Variants in GPR55 observed in about 807,000 individuals in gnomAD.
The protein encoded by GPR55 is G protein-coupled receptor 55.
A neutral mutation model predicts 7.9 loss-of-function variants in GPR55; 6 were observed. The ratio of observed to expected loss-of-function variants is 0.76; its 90% CI spans 0.41 to 1.49. The LOEUF (loss-of-function observed/expected upper bound fraction) is 1.49, where lower values mean the gene tolerates loss of function less well. Ranked by LOEUF, GPR55 falls within the 40% of genes most tolerant of loss-of-function variation. GPR55 has a pLI of 0.01. For synonymous variants in GPR55, 183 were observed against 166.8 expected, an observed-to-expected ratio of 1.10 and a Z score of -0.75; for missense variants, 376 against 406.0, an observed-to-expected ratio of 0.93 and a Z score of 0.63.
In GPR55 at chr2:230,944,025, G is replaced by A. The variant is rs773564692; in HGVS notation, c.-135+16750C>T. ...GGGTCTGTCTTAGGAAGGGGCCCTC[G>A]GGCTGTCCCTCTTCTCCCTGGCCCT... is the stretch of plus-strand genomic sequence containing the variant. On this transcript the variant is annotated intron_variant, in intron 1 of 1. Coordinates refer to the GPR55 transcript ENST00000392039. The surrounding 1 kb of genome is among the most constrained non-coding windows in gnomAD (Gnocchi z 4.2). 5.3e-5 allele frequency among the ~76,000 whole-genome samples: 8 copies of A among 152,122 alleles called. No individual in the cohort carries two copies. The highest frequency in any genetic ancestry group is 1.2e-4 in the Non-Finnish European group (8 of 68,030).
chr2:230,949,035 C>G (rs1385432440), intron 1 of GPR55, among the ~76,000 whole-genome samples: 1 of 152,176 alleles, frequency 6.6e-6, no homozygotes, highest in African/African-American at 2.4e-5. Context: ...TGCCACCGCA[C>G]TCCAGCCTTG....
chr2:230,941,202 C>T (rs1411251437), intron 1 of GPR55, among the ~76,000 whole-genome samples: 2 of 152,166 alleles, frequency 1.3e-5, no homozygotes, highest in Non-Finnish European at 2.9e-5. Flanking sequence ...ATGCTCTGTC[C>T]AGCACCCCAC....
chr2:230,945,316 C>T (rs1691296481), intron 1 of GPR55, among the ~76,000 whole-genome samples: 2 of 151,916 alleles, frequency 1.3e-5, no homozygotes, highest in Non-Finnish European at 2.9e-5. Context: ...GGAGGCCTTT[C>T]CAAGGGCAAG....
intron 1 of GPR55, among the ~76,000 whole-genome samples, chr2:230,951,938 T>C (rs58699773): frequency 7.0e-6 from 1 of 143,120 alleles, no homozygotes; most frequent in South Asian, 2.2e-4. Flanking sequence ...TTTTTTTTTT[T>C]AATTTTTTTG....
At chr2:230,951,006 G>A (rs143266835) in intron 1 of GPR55, among the ~76,000 whole-genome samples, 29 of 152,282 alleles carry the variant, frequency 1.9e-4, no homozygotes, top group Middle Eastern at 3.4e-3. Context: ...CTTGCCCTGT[G>A]CATCTCTTCA....
chr2:230,958,375 A>G (rs1188387940), intron 1 of GPR55, among the ~76,000 whole-genome samples: 1 of 152,164 alleles, frequency 6.6e-6, no homozygotes. Flanking sequence ...TCAAGCATTT[A>G]TCCTCTGTGT....
chr2:230,909,165 C>T lies in GPR55; in HGVS notation c.*838G>A, dbSNP rs1259667726. Reference sequence around the variant, plus strand: ...GCTCCCAGGCCGTCTCTCACTGTCTCTCTTCACCCTGGGCCAGCACCAACA... The same window carrying T: ...GCTCCCAGGCCGTCTCTCACTGTCTTTCTTCACCCTGGGCCAGCACCAACA... On this transcript the variant is annotated 3_prime_UTR_variant, in exon 2 of 2. Coordinates refer to ENST00000650999, the MANE Select transcript of GPR55 (RefSeq NM_005683.4). 1 of 152,496 alleles carries T rather than the reference C, an allele frequency of 6.6e-6. No homozygotes were observed. The highest frequency in any genetic ancestry group is 1.5e-5 in the Non-Finnish European group (1 of 68,240). The allele number at this position is 152,496 out of a possible 1,614,324, so 9.4% of individuals were successfully genotyped here. A position where few individuals can be genotyped will look rare whatever the true frequency, so the allele number is the denominator to read the frequency against.
At chr2:230,939,305 A>G (rs757087106) in intron 1 of GPR55, among the ~76,000 whole-genome samples, 1 of 152,134 alleles carries the variant, frequency 6.6e-6, no homozygotes, top group South Asian at 2.1e-4. Flanking sequence ...CCTGTCTGAG[A>G]TGCTGGTGCC....
At chr2:230,935,649 T>G (rs1691121363) in intron 1 of GPR55, among the ~76,000 whole-genome samples, 1 of 152,182 alleles carries the variant, frequency 6.6e-6, no homozygotes, top group Non-Finnish European at 1.5e-5. Flanking sequence ...AATGCAGCCC[T>G]GGGCTCTGGG....
chr2:230,941,927 C>CTGAT (rs1396636986), intron 1 of GPR55, among the ~76,000 whole-genome samples: 1 of 152,176 alleles, frequency 6.6e-6, no homozygotes, highest in East Asian at 1.9e-4. Context: ...GAGTTATTGA[C>CTGAT]TGATCATTGA....
intron 1 of GPR55, among the ~76,000 whole-genome samples, chr2:230,930,300 C>T (rs1439697856): frequency 6.6e-6 from 1 of 152,218 alleles, no homozygotes; most frequent in Admixed American, 6.5e-5. Flanking sequence ...CCTTTGCCCA[C>T]ATGCCCATCA....
At chr2:230,934,364 C>T (rs1327231252) in intron 1 of GPR55, among the ~76,000 whole-genome samples, 1 of 152,212 alleles carries the variant, frequency 6.6e-6, no homozygotes, top group Non-Finnish European at 1.5e-5. Flanking sequence ...TCTCTCCGAC[C>T]CCAGCACAGC....
chr2:230,942,732 C>T (rs1257653182), intron 1 of GPR55, among the ~76,000 whole-genome samples: 1 of 151,716 alleles, frequency 6.6e-6, no homozygotes, highest in Non-Finnish European at 1.5e-5. Flanking sequence ...GGGAGCTTGG[C>T]TGTTTGAGAA....
At chr2:230,936,100 G>A (rs545621782) in intron 1 of GPR55, among the ~76,000 whole-genome samples, 26 of 152,186 alleles carry the variant, frequency 1.7e-4, no homozygotes, top group Non-Finnish European at 3.8e-4. Context: ...GCACAAAGGT[G>A]GAAAGGAGTT....
chr2:230,927,366 G>C (rs1039420622), upstream of GPR55, among the ~76,000 whole-genome samples: 2 of 152,160 alleles, frequency 1.3e-5, no homozygotes, highest in African/African-American at 4.8e-5. Flanking sequence ...GCCAAGATAC[G>C]TCTCCAGAGA....
Position 230,924,083 on chromosome 2 carries a change from G to A in GPR55, c.-135+1085C>T, listed in dbSNP as rs752147064. Among the ~76,000 whole-genome samples the A allele has an allele frequency of 3.9e-5, 6 of 152,100 alleles. No individual in the cohort carries two copies. The highest frequency in any genetic ancestry group is 4.8e-5 in the African/African-American group (2 of 41,388). On this transcript the variant is annotated intron_variant, in intron 1 of 1. Transcript: ENST00000650999. The surrounding 1 kb of genome is among the most constrained non-coding windows in gnomAD (Gnocchi z 4.5). ...GTCCTCTGTGTATCCCAGGGGGAGC[G>A]TGTCCCTGCTGTCCTCCAGCAACCC...
intron 1 of GPR55, among the ~76,000 whole-genome samples, chr2:230,948,152 G>A (rs1691348529): frequency 6.7e-6 from 1 of 150,052 alleles, no homozygotes; most frequent in Admixed American, 6.6e-5. Flanking sequence ...GCAAAGCACA[G>A]CCCCTATGCT....
chr2:230,943,704 C>T (rs75514051), intron 1 of GPR55, among the ~76,000 whole-genome samples: 2,786 of 152,186 alleles, frequency 0.018, 83 homozygotes, highest in African/African-American at 0.064. Context: ...AATGATCTTG[C>T]GCCCTCCCCT....
chr2:230,919,669 C>A (rs780439429), intron 1 of GPR55, among the ~76,000 whole-genome samples: 12 of 152,164 alleles, frequency 7.9e-5, no homozygotes, highest in Admixed American at 1.3e-4. Context: ...TCTGAGAATT[C>A]ACCTTAAGTA....
Sources: gnomAD v4.1 joint callset for allele counts (sites outside exome capture counted in the v4.1 genomes callset) on GRCh38, gnomAD v4.1.1 for gene constraint, Gnocchi (gnomAD v3.1) non-coding constraint, MANE v1.5 for transcripts, NCBI Gene and HGNC (gene_info 2026-07-23, HGNC 2026-07-21) for gene names.